LEMD1: variants seen among roughly 807,000 people sequenced by gnomAD.
LEMD1 encodes LEM domain-containing protein 1.
In LEMD1, 18 loss-of-function variants were observed where a neutral mutation model predicts 17.4. The ratio of observed to expected loss-of-function variants is 1.04; its 90% CI spans 0.72 to 1.54. The LOEUF is 1.54. LEMD1 is among the 40% of genes most tolerant of loss of function. The probability of loss-of-function intolerance (pLI) is 0.00; values close to 1 mark genes in which losing one functional copy is unlikely to be tolerated. For synonymous variants in LEMD1, 88 were observed against 77.8 expected, an observed-to-expected ratio of 1.13 and a Z score of -0.69; for missense variants, 195 against 210.4, an observed-to-expected ratio of 0.93 and a Z score of 0.45.
intron 2 of LEMD1, among the ~76,000 whole-genome samples, chr1:205,419,658 G>A (rs1276706061): frequency 6.6e-6 from 1 of 152,136 alleles, no homozygotes; most frequent in East Asian, 1.9e-4. Flanking sequence ...TAGAGACGAG[G>A]TTTCGCCATG....
At position 205,394,234 on chromosome 1, in the gene LEMD1, G is replaced by A. The variant is rs552145359; in HGVS notation, c.271-9870C>T. Among the ~76,000 whole-genome samples, 483 of 152,030 alleles carry A rather than the reference G, an allele frequency of 3.2e-3. 3 individuals carry two copies. The highest frequency in any genetic ancestry group is 0.011 in the African/African-American group (460 of 41,412). On this transcript the variant is annotated intron_variant, in intron 4 of 5. Coordinates refer to ENST00000367153, the MANE Select transcript of LEMD1 (RefSeq NM_001199050.2). ...TGGGGTGGGGGGTAGAGCGACTGGCGGGTAACCGCTTAATGGGTATTGGTT... is the reference window on the plus strand; with the variant it reads ...TGGGGTGGGGGGTAGAGCGACTGGCAGGTAACCGCTTAATGGGTATTGGTT...
At chr1:205,389,037 CTTTT>C (rs61341380) in intron 4 of LEMD1, among the ~76,000 whole-genome samples, 17 of 77,842 alleles carry the variant, frequency 2.2e-4, no homozygotes, top group African/African-American at 7.1e-4. Flanking sequence ...CATTTGCTTT[CTTTT>C]TTTTTTTTTT....
At chr1:205,419,626 C>T (rs1472885186) in intron 2 of LEMD1, among the ~76,000 whole-genome samples, 1 of 152,170 alleles carries the variant, frequency 6.6e-6, no homozygotes, top group Non-Finnish European at 1.5e-5. Flanking sequence ...CCACACTCGG[C>T]TAATTTTTGT....
Position 205,408,504 on chromosome 1 carries a change from T to TTC in LEMD1, c.270+7727_270+7728insGA, listed in dbSNP as rs1416843087. On this transcript the variant is annotated intron_variant, in intron 4 of 5. Transcript: ENST00000367153. ...ACTTTTTCTTTCTTTCTTTCTTTCT[T>TTC]TTTTTTTTTTTTTTGAGACAGGATC... Among the ~76,000 whole-genome samples the TTC allele has an allele frequency of 2.7e-3, 184 of 69,412 alleles. 1 individual carries two copies. Among genetic ancestry groups the TTC allele is most frequent in the African/African-American group, 9.5e-3 (135 of 14,276 alleles). 45.5% of individuals were successfully genotyped at this position (69,412 alleles called of 152,430 possible).
intron 4 of LEMD1, among the ~76,000 whole-genome samples, chr1:205,415,328 T>C (rs1665646921): frequency 6.6e-6 from 1 of 152,172 alleles, no homozygotes; most frequent in South Asian, 2.1e-4. Flanking sequence ...TATGCAGACC[T>C]GTGCCTCAGG....
At chr1:205,384,112 A>G (rs1191521801) in intron 5 of LEMD1, among the ~76,000 whole-genome samples, 176 bp downstream of exon 5, 2 of 152,198 alleles carry the variant, frequency 1.3e-5, no homozygotes, top group African/African-American at 4.8e-5. Context: ...ATCTCTAAAT[A>G]TGAACAATGA....
At chr1:205,406,415 C>T (rs1405681350) in intron 4 of LEMD1, among the ~76,000 whole-genome samples, 4 of 152,216 alleles carry the variant, frequency 2.6e-5, no homozygotes, top group South Asian at 2.1e-4. Context: ...CAATGGCGGG[C>T]GCCCCTCCCC....
At chr1:205,431,899 TAGAG>T (rs376953270) in intron 1 of LEMD1, among the ~76,000 whole-genome samples, 1 of 152,282 alleles carries the variant, frequency 6.6e-6, no homozygotes, top group African/African-American at 2.4e-5. Context: ...GTATTTTTAA[TAGAG>T]ACGGGGTTTC....
At chr1:205,437,750 C>T (rs1429932917) in intron 1 of LEMD1, 2 of 152,274 alleles carry the variant, frequency 1.3e-5, no homozygotes, top group African/African-American at 2.4e-5. Flanking sequence ...ATGTAATCCC[C>T]TATTTATAGT....
intron 2 of LEMD1, among the ~76,000 whole-genome samples, chr1:205,419,708 C>T (rs1480456907): frequency 6.6e-6 from 1 of 152,170 alleles, no homozygotes; most frequent in Non-Finnish European, 1.5e-5. Flanking sequence ...TCAAGTGATC[C>T]ACCCGCCTCG....
chr1:205,413,200 TGGTGA>T (rs1459165002), intron 4 of LEMD1, among the ~76,000 whole-genome samples: 3 of 152,256 alleles, frequency 2.0e-5, no homozygotes, highest in Non-Finnish European at 4.4e-5. Context: ...TTGGTAGATT[TGGTGA>T]GGTGAGCTTT....
At chr1:205,413,237 C>A (rs1425443037) in intron 4 of LEMD1, among the ~76,000 whole-genome samples, 1 of 152,046 alleles carries the variant, frequency 6.6e-6, no homozygotes, top group African/African-American at 2.4e-5. Flanking sequence ...ATGTGCAAGA[C>A]CCTGTGATAG....
chr1:205,445,762 A>C (rs1026825956), intron 1 of LEMD1, among the ~76,000 whole-genome samples: 6 of 152,208 alleles, frequency 3.9e-5, no homozygotes, highest in African/African-American at 1.4e-4. Context: ...GCAACGTGAC[A>C]GGCAGCAGCA....
chr1:205,447,334 AGTAG>A (rs1326369108), intron 1 of LEMD1, among the ~76,000 whole-genome samples: 1 of 152,202 alleles, frequency 6.6e-6, no homozygotes, highest in Non-Finnish European at 1.5e-5. Context: ...TGGGGTACAT[AGTAG>A]GTACCCAGTA....
chr1:205,406,028 A>G (rs1415609592), intron 4 of LEMD1, among the ~76,000 whole-genome samples: 1 of 152,184 alleles, frequency 6.6e-6, no homozygotes, highest in Admixed American at 6.5e-5. Context: ...GATTTTCGTG[A>G]TCCACGAATG....
intron 1 of LEMD1, among the ~76,000 whole-genome samples, chr1:205,444,733 G>A (rs1191756321): frequency 6.6e-6 from 1 of 152,144 alleles, no homozygotes; most frequent in East Asian, 1.9e-4. Context: ...GGCAGCGGGG[G>A]TGGAAGGCTA....
chr1:205,389,451 C>T (rs568867291), intron 4 of LEMD1, among the ~76,000 whole-genome samples: 2 of 152,234 alleles, frequency 1.3e-5, no homozygotes, highest in African/African-American at 2.4e-5. Flanking sequence ...ATATATTTAC[C>T]GTGTAGGCTT....
intron 4 of LEMD1, among the ~76,000 whole-genome samples, chr1:205,396,581 T>G (rs1429289776): frequency 6.9e-6 from 1 of 145,120 alleles, no homozygotes. Flanking sequence ...TAAAAATACT[T>G]CTCCAATAAT....
chr1:205,402,901 T>C (rs530631075), intron 4 of LEMD1, among the ~76,000 whole-genome samples: 1 of 152,214 alleles, frequency 6.6e-6, no homozygotes, highest in East Asian at 1.9e-4. Context: ...TTGAAAGTTT[T>C]TAGCATGAAG....
Sources: gnomAD v4.1 joint callset for allele counts (sites outside exome capture counted in the v4.1 genomes callset) on GRCh38, gnomAD v4.1.1 for gene constraint, MANE v1.5 for transcripts, NCBI Gene and HGNC (gene_info 2026-07-23, HGNC 2026-07-21) for gene names.